The following SNTG1 variants were observed in gnomAD, a reference collection of about 807,000 sequenced individuals.
The protein encoded by SNTG1 is gamma-1-syntrophin.
A neutral mutation model predicts 74.7 loss-of-function variants in SNTG1; 39 were observed. The ratio of observed to expected loss-of-function variants is 0.52; its 90% CI spans 0.40 to 0.68. The LOEUF (loss-of-function observed/expected upper bound fraction) is 0.68, where lower values mean the gene tolerates loss of function less well. Among genes scored for constraint, SNTG1 ranks in the 30% least tolerant of loss-of-function variants. SNTG1 has a pLI of 0.00. For synonymous variants in SNTG1, 254 were observed against 217.1 expected (o/e 1.17, Z -1.49); for missense variants, 685 against 609.5 (o/e 1.12, Z -1.30).
intron 15 of SNTG1, among the ~76,000 whole-genome samples, chr8:50,688,931 A>C (rs948256133): frequency 4.6e-5 from 7 of 151,994 alleles, no homozygotes; most frequent in South Asian, 2.1e-4. Flanking sequence ...CTTGTATTTC[A>C]TTGAGCAGTG....
intron 2 of SNTG1, among the ~76,000 whole-genome samples, chr8:50,259,204 C>G (rs1487515565): frequency 1.3e-5 from 2 of 151,838 alleles, no homozygotes; most frequent in Non-Finnish European, 2.9e-5. Flanking sequence ...TTTTTTCAAA[C>G]ATTAAAGGAG....
At position 50,267,584 on chromosome 8, in the gene SNTG1, T is replaced by C. The variant is rs565226240; in HGVS notation, c.-28+94949T>C. 5.3e-5 allele frequency among the ~76,000 whole-genome samples: 8 copies of C among 152,290 alleles called. No individual in the cohort carries two copies. In the East Asian group the frequency reaches 1.5e-3, roughly 29 times the overall value. ...GAGAAGGTAAAGTGCTGCAGCCATA[T>C]GAAAAATAACTTAGCAGTTCCTCAA... On this transcript the variant is annotated intron_variant, in intron 2 of 18. Coordinates refer to ENST00000642720, the MANE Select transcript of SNTG1 (RefSeq NM_018967.5).
chr8:50,783,331 G>T lies in SNTG1; in HGVS notation c.1396-9340G>T, dbSNP rs193228274. ...CCTATAGAGGCAGGCAGGCCTCCTT[G>T]AGCTATTGTGGGCTCCACCCAGTTT... is the stretch of plus-strand genomic sequence containing the variant. On this transcript the variant is annotated intron_variant, in intron 18 of 18. Transcript: ENST00000642720. 2.6e-3 allele frequency among the ~76,000 whole-genome samples: 403 copies of T among 152,336 alleles called. 5 individuals are homozygous for T. The highest frequency in any genetic ancestry group is 0.022 in the Admixed American group (338 of 15,310).
At chr8:50,567,080 T>C (rs868035101) in intron 12 of SNTG1, among the ~76,000 whole-genome samples, 1 of 152,112 alleles carries the variant, frequency 6.6e-6, no homozygotes, top group Admixed American at 6.6e-5. Context: ...GTCTTTGGGA[T>C]TCTCAAGAAT....
chr8:50,701,820 C>T (rs1327628290), intron 15 of SNTG1, among the ~76,000 whole-genome samples: 2 of 141,970 alleles, frequency 1.4e-5, no homozygotes. Context: ...TCTTCTTCTT[C>T]TCCTCCTCCT....
chr8:50,276,021 T>A (rs2088080288), intron 2 of SNTG1, among the ~76,000 whole-genome samples: 1 of 152,254 alleles, frequency 6.6e-6, no homozygotes, highest in Non-Finnish European at 1.5e-5. Flanking sequence ...TCTATTTTAT[T>A]TTTTAACTTA....
chr8:50,419,114 T>G (rs548005963), intron 4 of SNTG1, among the ~76,000 whole-genome samples: 1 of 152,174 alleles, frequency 6.6e-6, no homozygotes, highest in Non-Finnish European at 1.5e-5. Flanking sequence ...TCTGATGGAT[T>G]TTTGGCCTCA....
chr8:50,147,734 T>A (rs2081921964), intron 1 of SNTG1, among the ~76,000 whole-genome samples: 2 of 152,188 alleles, frequency 1.3e-5, no homozygotes, highest in African/African-American at 4.8e-5. Flanking sequence ...TACAGACAGA[T>A]ACATAAATTA....
intron 2 of SNTG1, among the ~76,000 whole-genome samples, chr8:50,293,335 T>C (rs981626246): frequency 3.9e-5 from 6 of 152,038 alleles, no homozygotes; most frequent in South Asian, 2.1e-4. Context: ...TCCTTCTACG[T>C]GTCTGTGTCC....
chr8:50,483,579 T>A (rs2093758259), intron 8 of SNTG1, among the ~76,000 whole-genome samples: 1 of 152,116 alleles, frequency 6.6e-6, no homozygotes, highest in African/African-American at 2.4e-5. Context: ...TCAGTGTATA[T>A]CAAAGGGGAT....
At chr8:50,119,384 AGTCCT>A (rs1169436278) in intron 1 of SNTG1, among the ~76,000 whole-genome samples, 1 of 140,688 alleles carries the variant, frequency 7.1e-6, no homozygotes, top group Non-Finnish European at 1.6e-5. Context: ...TGCTCAGAGG[AGTCCT>A]ATGGCTGAGG....
Position 50,397,722 on chromosome 8 carries a change from A to T in SNTG1, c.27+3457A>T, listed in dbSNP as rs2092745673. Among the ~76,000 whole-genome samples, 3 of 152,332 alleles carry T rather than the reference A, an allele frequency of 2.0e-5. No individual in the cohort carries two copies. In the South Asian group the frequency reaches 6.2e-4, roughly 32 times the overall value. ...TCTCCAGTGAAAGATGCCAATAGCCATGTCATTGTATACAGGACAACTGGG... is the reference window on the plus strand; with the variant it reads ...TCTCCAGTGAAAGATGCCAATAGCCTTGTCATTGTATACAGGACAACTGGG... On this transcript the variant is annotated intron_variant, in intron 3 of 18. Coordinates refer to ENST00000642720, the MANE Select transcript of SNTG1 (RefSeq NM_018967.5).
intron 11 of SNTG1, among the ~76,000 whole-genome samples, chr8:50,537,118 ATTTG>A (rs1487118555): frequency 2.6e-5 from 4 of 151,886 alleles, no homozygotes; most frequent in African/African-American, 7.3e-5. Flanking sequence ...TAGTTTATCT[ATTTG>A]TTTGTTTGTT....
At chr8:49,990,552 A>T (rs1813582038) in intron 1 of SNTG1, among the ~76,000 whole-genome samples, 2 of 152,156 alleles carry the variant, frequency 1.3e-5, no homozygotes, top group African/African-American at 4.8e-5. Flanking sequence ...TACATAAAAT[A>T]CATAATGTAT....
At chr8:50,635,405 T>C (rs916623974) in intron 13 of SNTG1, among the ~76,000 whole-genome samples, 7 of 152,226 alleles carry the variant, frequency 4.6e-5, no homozygotes, top group Admixed American at 1.3e-4. Context: ...CCTAGGCTGG[T>C]TTAGAGATGA....
At chr8:50,367,793 A>G (rs917651065) in intron 2 of SNTG1, among the ~76,000 whole-genome samples, 11 of 152,098 alleles carry the variant, frequency 7.2e-5, no homozygotes, top group African/African-American at 2.7e-4. Flanking sequence ...ACACACACAC[A>G]CGCACACATG....
chr8:50,610,079 C>T (rs907191990), intron 13 of SNTG1, among the ~76,000 whole-genome samples: 2 of 152,108 alleles, frequency 1.3e-5, no homozygotes, highest in Non-Finnish European at 1.5e-5. Context: ...AGATAATAAA[C>T]GTTACCAATT....
At chr8:50,193,076 G>A (rs1156912315) in intron 2 of SNTG1, among the ~76,000 whole-genome samples, 1 of 152,046 alleles carries the variant, frequency 6.6e-6, no homozygotes, top group Non-Finnish European at 1.5e-5. Flanking sequence ...TTTGAAATCA[G>A]GTAGTGTGAT....
chr8:50,268,317 A>G (rs1399723563), intron 2 of SNTG1, among the ~76,000 whole-genome samples: 1 of 152,220 alleles, frequency 6.6e-6, no homozygotes, highest in Non-Finnish European at 1.5e-5. Context: ...TGGAAGATTC[A>G]GCACAGTAAA....
Sources: gnomAD v4.1 joint callset for allele counts (sites outside exome capture counted in the v4.1 genomes callset) on GRCh38, gnomAD v4.1.1 for gene constraint, MANE v1.5 for transcripts, NCBI Gene and HGNC (gene_info 2026-07-23, HGNC 2026-07-21) for gene names.